KAT6A: variants seen among roughly 807,000 people sequenced by gnomAD.
KAT6A encodes histone acetyltransferase KAT6A.
In KAT6A, 9 loss-of-function variants were observed where a neutral mutation model predicts 198.4. The ratio of observed to expected loss-of-function variants is 0.05; its 90% confidence interval spans 0.03 to 0.08. The LOEUF (loss-of-function observed/expected upper bound fraction) is 0.08, where lower values mean the gene tolerates loss of function less well. Ranked by LOEUF, KAT6A falls within the 10% of genes least tolerant of loss-of-function variation. The probability of loss-of-function intolerance (pLI) is 1.00; values close to 1 mark genes in which losing one functional copy is unlikely to be tolerated. For missense variants in KAT6A, 2,077 were observed against 2,509.9 expected, an observed-to-expected ratio of 0.83 and a Z score of 3.69; for synonymous variants, 890 against 883.0, an observed-to-expected ratio of 1.01 and a Z score of -0.14.
At chr8:41,960,236 T>C (rs1270834831) in intron 8 of KAT6A, among the ~76,000 whole-genome samples, 1 of 152,070 alleles carries the variant, frequency 6.6e-6, no homozygotes, top group Non-Finnish European at 1.5e-5. Flanking sequence ...ATGGTGATGA[T>C]TGCACAACAA....
chr8:42,006,292 T>C (rs981372107), intron 2 of KAT6A, among the ~76,000 whole-genome samples: 4 of 152,138 alleles, frequency 2.6e-5, no homozygotes, highest in Non-Finnish European at 4.4e-5. Context: ...GTGTACACAA[T>C]AGTAATATCA....
intron 5 of KAT6A, among the ~76,000 whole-genome samples, chr8:41,979,192 C>G (rs1422637523): frequency 6.6e-6 from 1 of 152,118 alleles, no homozygotes; most frequent in East Asian, 1.9e-4. Flanking sequence ...CGTTTGAACC[C>G]AGGAGGCGGA....
chr8:42,042,320 G>A lies in KAT6A; in HGVS notation c.600+6058C>T, dbSNP rs145879108. ...AAAAATATAAAAATTAGCCGGGCAT[G>A]GTGGCATGCGCCTATAATCCCAGCT... is the stretch of plus-strand genomic sequence containing the variant. On this transcript the variant is annotated intron_variant, in intron 2 of 16. Transcript: ENST00000265713. Among the ~76,000 whole-genome samples the A allele has an allele frequency of 2.2e-3, 342 of 152,170 alleles. 1 individual carries two copies. The highest frequency in any genetic ancestry group is 8.0e-3 in the African/African-American group (331 of 41,500).
At chr8:41,951,745 A>C (rs1429953300) in intron 9 of KAT6A, among the ~76,000 whole-genome samples, 1 of 152,252 alleles carries the variant, frequency 6.6e-6, no homozygotes, top group East Asian at 1.9e-4. Flanking sequence ...GAATTTCTAC[A>C]GTACCTTCTG....
rs1321507907 is a variant in KAT6A at position 41,942,606 on chromosome 8, G to A, written c.2436+187C>T. On this transcript the variant is annotated intron_variant, in intron 14 of 16. Coordinates refer to ENST00000265713, the MANE Select transcript of KAT6A (RefSeq NM_006766.5). ...TGATGGTCTCCTCCTAATTGTCCAA[G>A]GCTTAAAAATACTTAAGTAAACCAG... The A allele has an allele frequency of 9.1e-6, 6 of 656,588 alleles. No individual in the cohort carries two copies. In the Admixed American group the frequency reaches 1.3e-4, roughly 14 times the overall value. 40.7% of individuals were successfully genotyped at this position (656,588 alleles called of 1,614,324 possible).
At chr8:42,046,814 C>T (rs1428512814) in intron 2 of KAT6A, among the ~76,000 whole-genome samples, 3 of 152,110 alleles carry the variant, frequency 2.0e-5, no homozygotes, top group Non-Finnish European at 2.9e-5. Context: ...AATAAATGCT[C>T]AAATTACATA....
At chr8:42,046,261 C>T (rs1289142569) in intron 2 of KAT6A, among the ~76,000 whole-genome samples, 1 of 152,104 alleles carries the variant, frequency 6.6e-6, no homozygotes, top group Non-Finnish European at 1.5e-5. Flanking sequence ...ACAGGCCAGG[C>T]ACGGTGGCTC....
At chr8:41,989,342 C>T (rs903919380) in intron 2 of KAT6A, among the ~76,000 whole-genome samples, 28 of 152,062 alleles carry the variant, frequency 1.8e-4, no homozygotes, top group Non-Finnish European at 1.8e-4. Context: ...AACCCTGTCT[C>T]TATTAAAAAT....
Position 41,943,958 on chromosome 8 carries a change from T to C in KAT6A, c.2018A>G (p.Glu673Gly). 1 of 1,613,768 alleles carries C rather than the reference T, an allele frequency of 6.2e-7. No individual in the cohort carries two copies. Among genetic ancestry groups the C allele is most frequent in the Non-Finnish European group, 8.5e-7 (1 of 1,179,752 alleles). The change falls in exon 13 of 17, where the codon GAA becomes GGA. Residue 673 changes from glutamate to glycine, a missense_variant. Physicochemically the swap from Glu to Gly is moderately conservative, Grantham distance 98. Around this residue, in one of 13 missense-constraint regions of KAT6A, gnomAD observed 127 missense variants for 209.6 expected, o/e 0.61. Coordinates refer to ENST00000265713, the MANE Select transcript of KAT6A (RefSeq NM_006766.5). ...IDFSYLLSKR[E>G]GQAGSPEKPL... Reference sequence around the variant, plus strand: ...TTTCTCTGGAGACCCTGCTTGGCCTTCACGCTTTGATAACAAATAACCTAA... The same window carrying C: ...TTTCTCTGGAGACCCTGCTTGGCCTCCACGCTTTGATAACAAATAACCTAA...
At position 42,039,058 on chromosome 8, in the gene KAT6A, T is replaced by A. The variant is rs904181881; in HGVS notation, c.600+9320A>T. 3.3e-5 allele frequency among the ~76,000 whole-genome samples: 5 copies of A among 152,142 alleles called. No homozygotes were observed. The East Asian group carries it at 9.6e-4, about 29-fold the overall frequency. On this transcript the variant is annotated intron_variant, in intron 2 of 16. Coordinates refer to ENST00000265713, the MANE Select transcript of KAT6A (RefSeq NM_006766.5). ...CATCTGCTGGGAACTATGACTTTCA[T>A]ATGAAAGGAAAAAACCAGAAGGAAC...
chr8:41,944,001 A>G, intron 12 of KAT6A, 22 bp from the exon 13 acceptor site: 2 of 1,557,140 alleles, frequency 1.3e-6, no homozygotes, highest in South Asian at 2.2e-5. Context: ...CAAATAACTC[A>G]AATCAGAACT....
chr8:41,958,206 C>T (rs1181683569), intron 8 of KAT6A: 2 of 152,118 alleles, frequency 1.3e-5, no homozygotes, highest in Admixed American at 1.3e-4. Context: ...TCACATGCTC[C>T]ACAACAGAGA....
intron 1 of KAT6A, among the ~76,000 whole-genome samples, chr8:42,050,075 A>G (rs2150933679): frequency 6.6e-6 from 1 of 152,302 alleles, no homozygotes; most frequent in East Asian, 1.9e-4. Context: ...TTCAGACAGG[A>G]AAACTAGAAA....
intron 2 of KAT6A, chr8:42,043,607 AG>A (rs1827768929): frequency 6.6e-6 from 1 of 152,270 alleles, no homozygotes; most frequent in Non-Finnish European, 1.5e-5. Context: ...CTGCAAAAAA[AG>A]AAAAATGGAC....
At chr8:42,047,119 C>G (rs1802351494) in intron 2 of KAT6A, among the ~76,000 whole-genome samples, 1 of 152,170 alleles carries the variant, frequency 6.6e-6, no homozygotes, top group Non-Finnish European at 1.5e-5. Flanking sequence ...TATCCTCCAT[C>G]ATCTTAAGCA....
chr8:41,937,846 A>T (rs946729736), intron 15 of KAT6A, among the ~76,000 whole-genome samples: 4 of 152,244 alleles, frequency 2.6e-5, no homozygotes, highest in African/African-American at 7.2e-5. Context: ...AGTTAAATTT[A>T]GCACCCTAGA....
chr8:42,031,685 A>G (rs1366552335), intron 2 of KAT6A, among the ~76,000 whole-genome samples: 1 of 122,716 alleles, frequency 8.1e-6, no homozygotes, highest in East Asian at 2.7e-4. Flanking sequence ...GCTGAAGTGC[A>G]GTGGTGTGAT....
Position 41,934,503 on chromosome 8 carries a change from A to T in KAT6A, c.3717T>A (p.Gly1239=), listed in dbSNP as rs945225271. Residue 1239 remains glycine, a synonymous_variant, in exon 17 of 17, where the codon GGT becomes GGA. Coordinates refer to ENST00000265713, the MANE Select transcript of KAT6A (RefSeq NM_006766.5). ...CACTGCTGGCTGCATCCTCTTCCTC[A>T]CCCTCTTCAGCCTCTTCTGCCTCTG... ...MQAEAEEAEE[G]EEEDAASSEV... The T allele has an allele frequency of 1.2e-6, 2 of 1,610,378 alleles. No individual in the cohort carries two copies. The highest frequency in any genetic ancestry group is 3.4e-5 in the Admixed American group (2 of 59,456).
At chr8:42,026,145 C>T (rs1251025416) in intron 2 of KAT6A, among the ~76,000 whole-genome samples, 1 of 152,164 alleles carries the variant, frequency 6.6e-6, no homozygotes, top group Non-Finnish European at 1.5e-5. Context: ...TGTTTTTATA[C>T]CAATACCTTG....
Sources: allele counts gnomAD v4.1 joint callset (sites outside exome capture counted in the v4.1 genomes callset), GRCh38; gene constraint gnomAD v4.1.1; regional missense constraint gnomAD v4.1.1; transcripts MANE v1.5; gene names NCBI Gene and HGNC (gene_info 2026-07-23, HGNC 2026-07-21).